SBK1: variants seen among roughly 807,000 people sequenced by gnomAD.
SBK1 encodes the protein serine/threonine-protein kinase SBK1.
In SBK1, 11 loss-of-function variants were observed where a neutral mutation model predicts 24.4. The observed-to-expected ratio is 0.45, with a 90% confidence interval of 0.28 to 0.75. The LOEUF (loss-of-function observed/expected upper bound fraction) is 0.75, where lower values mean the gene tolerates loss of function less well. SBK1 is among the 30% of genes least tolerant of loss of function. The probability of loss-of-function intolerance (pLI) is 0.12; values close to 1 mark genes in which losing one functional copy is unlikely to be tolerated. For missense variants in SBK1, 467 were observed against 620.5 expected (o/e 0.75, Z 2.63); for synonymous variants, 308 against 284.4 (o/e 1.08, Z -0.83).
chr16:28,298,758 G>A (rs2141579531), intron 1 of SBK1, among the ~76,000 whole-genome samples: 2 of 152,332 alleles, frequency 1.3e-5, no homozygotes, highest in Middle Eastern at 3.4e-3. Flanking sequence ...ACCACCAGAG[G>A]GGCAGAGGAT....
chr16:28,261,219 G>A (rs1285684043), intron 1 of SBK1, among the ~76,000 whole-genome samples: 3 of 152,132 alleles, frequency 2.0e-5, no homozygotes, highest in Non-Finnish European at 2.9e-5. Context: ...TCTCATGATA[G>A]AACCCCGTGT....
At chr16:28,273,405 G>C (rs1045362233) in intron 1 of SBK1, among the ~76,000 whole-genome samples, 1 of 152,000 alleles carries the variant, frequency 6.6e-6, no homozygotes, top group Non-Finnish European at 1.5e-5. Flanking sequence ...ATTTTTAGTA[G>C]AGATGGGGTT....
Position 28,303,923 on chromosome 16 carries a change from G to A in SBK1, c.-8+10623G>A, listed in dbSNP as rs376455097. Among the ~76,000 whole-genome samples the A allele has an allele frequency of 2.6e-5, 4 of 152,154 alleles. No homozygotes were observed. In the East Asian group the frequency reaches 7.7e-4, roughly 29 times the overall value. On this transcript the variant is annotated intron_variant, in intron 1 of 3. Coordinates refer to ENST00000341901, the MANE Select transcript of SBK1 (RefSeq NM_001024401.3). ...GGTGAGGGAGCTAGTGACAACTGCTGTGTTTCACCAAGAAGCAGCCCCTTC... is the reference window on the plus strand; with the variant it reads ...GGTGAGGGAGCTAGTGACAACTGCTATGTTTCACCAAGAAGCAGCCCCTTC...
intron 1 of SBK1, among the ~76,000 whole-genome samples, chr16:28,304,598 T>C (rs551776038): frequency 1.3e-5 from 2 of 152,216 alleles, no homozygotes; most frequent in Admixed American, 1.3e-4. Flanking sequence ...GGTAATTTTT[T>C]TGTTTGTTTG....
chr16:28,264,410 C>T (rs2044415691), intron 1 of SBK1, among the ~76,000 whole-genome samples: 1 of 151,196 alleles, frequency 6.6e-6, no homozygotes. Flanking sequence ...CCCATCTCTA[C>T]TAAAAATACA....
chr16:28,309,607 G>A (rs189080972), intron 1 of SBK1, among the ~76,000 whole-genome samples: 22 of 152,284 alleles, frequency 1.4e-4, no homozygotes, highest in African/African-American at 4.8e-4. Flanking sequence ...TTTCAAAATA[G>A]GAATTCAAGC....
Position 28,319,868 on chromosome 16 carries a change from C to G in SBK1, c.430-208C>G, listed in dbSNP as rs1230697476. Reference sequence around the variant, plus strand: ...AGCCCCGATGTCCCCATAGGAGAAGCAGGCATGGTAGCCACTATGAGGATT... The same window carrying G: ...AGCCCCGATGTCCCCATAGGAGAAGGAGGCATGGTAGCCACTATGAGGATT... On this transcript the variant is annotated intron_variant, in intron 3 of 3. Transcript: ENST00000341901. This position sits in a 1 kb window ranked among gnomAD's most constrained non-coding sequence, Gnocchi z 4.0. Among the ~76,000 whole-genome samples the G allele has an allele frequency of 2.0e-5, 3 of 152,272 alleles. No individual in the cohort carries two copies. In the East Asian group the frequency reaches 5.8e-4, roughly 29 times the overall value.
intron 1 of SBK1, among the ~76,000 whole-genome samples, chr16:28,310,149 G>T (rs753321185): frequency 6.6e-5 from 10 of 152,212 alleles, no homozygotes; most frequent in Non-Finnish European, 1.3e-4. Flanking sequence ...AACACAGATG[G>T]CAGATGGAGG....
In SBK1 at chr16:28,323,333, A is replaced by G. The variant is rs1389528883; in HGVS notation, c.*2412A>G. ...TGAAGACTTAGAAGACAAAAAAAAA[A>G]AAATCACACAAAAAATCTCCCTTGT... On this transcript the variant is annotated 3_prime_UTR_variant, in exon 4 of 4. Transcript: ENST00000341901. 6.6e-6 allele frequency: 1 copy of G among 152,520 alleles called. No individual in the cohort carries two copies. Among genetic ancestry groups the G allele is most frequent in the Non-Finnish European group, 1.5e-5 (1 of 68,006 alleles). 9.4% of individuals were successfully genotyped at this position (152,520 alleles called of 1,614,324 possible). A position where few individuals can be genotyped will look rare whatever the true frequency, so the allele number is the denominator to read the frequency against.
At chr16:28,261,331 ACACCTGTAACCCCAGACCT>A (rs2044396145) in intron 1 of SBK1, among the ~76,000 whole-genome samples, 1 of 152,102 alleles carries the variant, frequency 6.6e-6, no homozygotes, top group Non-Finnish European at 1.5e-5. Flanking sequence ...GTGGTGGTTC[ACACCTGTAACCCCAGACCT>A]TTGGGAGGCC....
chr16:28,320,126 G>C lies in SBK1; in HGVS notation c.480G>C (p.Leu160=), dbSNP rs1434973359. 1 of 1,574,316 alleles carries C rather than the reference G, an allele frequency of 6.4e-7. No homozygotes were observed. The highest frequency in any genetic ancestry group is 1.3e-5 in the African/African-American group (1 of 74,128). Residue 160 remains leucine (L), a synonymous_variant, in exon 4 of 4, where the codon CTG becomes CTC. Coordinates refer to ENST00000341901, the MANE Select transcript of SBK1 (RefSeq NM_001024401.3). The surrounding 1 kb of genome is among the most constrained non-coding windows in gnomAD (Gnocchi z 8.5). ...AGCGCTGTGTGCAGCAGCTGGGCCTGGCGCTGGACTTCATGCACGGGCGGC... is the reference window on the plus strand; with the variant it reads ...AGCGCTGTGTGCAGCAGCTGGGCCTCGCGCTGGACTTCATGCACGGGCGGC... The part of the protein sequence containing the change: ...TVKRCVQQLG[L]ALDFMHGRQL...
intron 1 of SBK1, among the ~76,000 whole-genome samples, chr16:28,278,529 TTATTC>T (rs2044509429): frequency 6.6e-6 from 1 of 152,128 alleles, no homozygotes; most frequent in Non-Finnish European, 1.5e-5. Flanking sequence ...TTATTTTATT[TTATTC>T]TATTCTATTT....
chr16:28,287,334 A>G (rs2141571884), intron 1 of SBK1, among the ~76,000 whole-genome samples: 1 of 150,048 alleles, frequency 6.7e-6, no homozygotes, highest in South Asian at 2.1e-4. Flanking sequence ...CTGTAATCCC[A>G]GCCACTTGGG....
intron 2 of SBK1, among the ~76,000 whole-genome samples, chr16:28,318,683 T>G (rs540779663): frequency 6.6e-6 from 1 of 152,234 alleles, no homozygotes; most frequent in Admixed American, 6.5e-5. Context: ...CCGTTCTAGA[T>G]GGGGTAGGCT....
intron 1 of SBK1, among the ~76,000 whole-genome samples, chr16:28,266,914 A>T (rs1378096857): frequency 4.7e-5 from 7 of 147,712 alleles, no homozygotes; most frequent in South Asian, 2.2e-4. Flanking sequence ...CTAATTTTAA[A>T]TTTTTTTTTT....
chr16:28,291,317 T>C (rs1327605958), upstream of SBK1: 1 of 143,890 alleles, frequency 6.9e-6, no homozygotes, highest in Non-Finnish European at 1.5e-5. Flanking sequence ...AGAGAACACA[T>C]GGACACAGGA....
At chr16:28,312,765 C>T (rs1346729302) in intron 1 of SBK1, among the ~76,000 whole-genome samples, 1 of 151,838 alleles carries the variant, frequency 6.6e-6, no homozygotes, top group Non-Finnish European at 1.5e-5. Flanking sequence ...TTTGGGAGGC[C>T]GAGGCAGGAG....
chr16:28,302,202 A>G (rs1424196539), intron 1 of SBK1, among the ~76,000 whole-genome samples: 1 of 152,198 alleles, frequency 6.6e-6, no homozygotes, highest in African/African-American at 2.4e-5. Context: ...AACTGGAGAG[A>G]AGGAGGGGCT....
At chr16:28,301,771 T>C (rs2044681566) in intron 1 of SBK1, among the ~76,000 whole-genome samples, 2 of 152,208 alleles carry the variant, frequency 1.3e-5, no homozygotes, top group African/African-American at 2.4e-5. Flanking sequence ...CAGCAACTTC[T>C]TACTGACACC....
Sources: allele counts gnomAD v4.1 joint callset (sites outside exome capture counted in the v4.1 genomes callset), GRCh38; gene constraint gnomAD v4.1.1; non-coding constraint Gnocchi (gnomAD v3.1); transcripts MANE v1.5; gene names NCBI Gene and HGNC (gene_info 2026-07-23, HGNC 2026-07-21).